The following NECAP2 variants were observed in gnomAD, a reference collection of about 807,000 sequenced individuals.
NECAP2 encodes NECAP endocytosis associated 2, also known as adaptin ear-binding coat-associated protein 2.
In NECAP2, 38 loss-of-function variants were observed where a neutral mutation model predicts 37.8. That is an observed-to-expected ratio of 1.01 (90% CI 0.78 to 1.32). NECAP2 has a LOEUF of 1.32. Among genes scored for constraint, NECAP2 ranks in the 40% most tolerant of loss-of-function variants. The pLI, the probability that NECAP2 is intolerant of heterozygous loss-of-function variation, is 0.00. For missense variants in NECAP2, 316 were observed against 334.5 expected, an observed-to-expected ratio of 0.94 and a Z score of 0.43; for synonymous variants, 121 against 127.7, an observed-to-expected ratio of 0.95 and a Z score of 0.35.
Position 16,440,733 on chromosome 1 carries a change from CG to C in NECAP2, c.-27del. On this transcript the variant is annotated 5_prime_UTR_variant, in exon 1 of 8. Transcript: ENST00000337132. ...CGGACAGAGGAACGGTGGAAGTCGC[CG>C]GAAGTTCGGTGGGCTCCAGGCGTCG... 6.2e-7 allele frequency: 1 copy of C among 1,604,196 alleles called. No homozygotes were observed. Among genetic ancestry groups the C allele is most frequent in the Non-Finnish European group, 8.5e-7 (1 of 1,171,234 alleles).
chr1:16,449,494 T>C lies in NECAP2; in HGVS notation c.489+293T>C, dbSNP rs868854949. The C allele has an allele frequency of 7.4e-5, 24 of 326,446 alleles. 1 individual carries two copies. In the Middle Eastern group the frequency reaches 4.4e-3, roughly 60 times the overall value. The allele number at this position is 326,446 out of a possible 1,614,324, so 20.2% of individuals were successfully genotyped here. ...TAGAGGAAGGGTGTGCAGCCCATAG[T>C]TGTGGGAACCAAGGAAGGCTTCCTG... On this transcript the variant is annotated intron_variant, in intron 5 of 7. Coordinates refer to ENST00000337132, the MANE Select transcript of NECAP2 (RefSeq NM_018090.5).
intron 7 of NECAP2, among the ~76,000 whole-genome samples, chr1:16,458,247 G>A (rs2086957935): frequency 6.6e-6 from 1 of 152,096 alleles, no homozygotes; most frequent in Non-Finnish European, 1.5e-5. Flanking sequence ...CAAAGAGCAT[G>A]TTTATGTAAA....
At chr1:16,456,893 G>C (rs1304653323) in intron 7 of NECAP2, among the ~76,000 whole-genome samples, 1 of 152,060 alleles carries the variant, frequency 6.6e-6, no homozygotes, top group Non-Finnish European at 1.5e-5. Context: ...ATAGATACGG[G>C]GTTTTGCCAT....
At chr1:16,458,604 CAAAA>C (rs1167371818) in intron 7 of NECAP2, among the ~76,000 whole-genome samples, 1 of 146,668 alleles carries the variant, frequency 6.8e-6, no homozygotes, top group African/African-American at 2.5e-5. Flanking sequence ...AAAAACAAAA[CAAAA>C]AACAAAACCA....
intron 6 of NECAP2, chr1:16,455,562 A>C: frequency 2.1e-6 from 1 of 474,752 alleles, no homozygotes; most frequent in East Asian, 3.2e-5. Context: ...TCCCGCGGGC[A>C]CCCCTCGTTC....
chr1:16,452,403 C>T (rs986895920), intron 6 of NECAP2, among the ~76,000 whole-genome samples: 1 of 102,192 alleles, frequency 9.8e-6, no homozygotes, highest in Non-Finnish European at 2.4e-5. Flanking sequence ...CCTAGACCCA[C>T]CATCAGCTGC....
At chr1:16,451,496 C>G (rs1452199251) in intron 5 of NECAP2, 2 of 253,452 alleles carry the variant, frequency 7.9e-6, no homozygotes, top group East Asian at 1.9e-4. Flanking sequence ...ACACTTAAGC[C>G]AGCAGCGCGT....
chr1:16,448,034 T>G (rs1557687581), intron 3 of NECAP2, 26 bp from the exon 4 acceptor site: 1 of 1,614,088 alleles, frequency 6.2e-7, no homozygotes, highest in African/African-American at 1.3e-5. Flanking sequence ...CTTTGGAAGG[T>G]GGGTTGATCA....
chr1:16,441,635 T>C (rs1488383589), intron 1 of NECAP2: 1 of 152,180 alleles, frequency 6.6e-6, no homozygotes, highest in Non-Finnish European at 1.5e-5. Flanking sequence ...CCTATGGCTA[T>C]TTTGTGCCAC....
chr1:16,448,306 T>A, intron 4 of NECAP2, 165 bp downstream of exon 4: 1 of 701,332 alleles, frequency 1.4e-6, no homozygotes, highest in African/African-American at 1.8e-5. Flanking sequence ...TGTTCATCTC[T>A]GCTGTAAAGC....
intron 6 of NECAP2, among the ~76,000 whole-genome samples, chr1:16,452,444 G>T (rs1262180450): frequency 6.6e-6 from 1 of 152,144 alleles, no homozygotes; most frequent in Non-Finnish European, 1.5e-5. Context: ...TGAAAGAGGT[G>T]ACATTGATCT....
intron 6 of NECAP2, chr1:16,455,532 G>C (rs2086904171): frequency 2.4e-6 from 1 of 408,804 alleles, no homozygotes; most frequent in Non-Finnish European, 4.5e-6. Context: ...CATGTTAGAT[G>C]ACGTGAGACT....
chr1:16,445,057 C>T (rs1306895231), intron 2 of NECAP2, among the ~76,000 whole-genome samples: 1 of 152,166 alleles, frequency 6.6e-6, no homozygotes, highest in Non-Finnish European at 1.5e-5. Flanking sequence ...AACTCCTGAC[C>T]TCGTGATCCG....
chr1:16,448,301 A>T (rs1442794607), intron 4 of NECAP2, 160 bp downstream of exon 4: 3 of 717,618 alleles, frequency 4.2e-6, no homozygotes, highest in South Asian at 1.6e-5. Flanking sequence ...GCCAATGTTC[A>T]TCTCTGCTGT....
In NECAP2 at chr1:16,440,775, G is replaced by T; in HGVS notation, c.14G>T (p.Gly5Val). 6.2e-7 allele frequency: 1 copy of T among 1,614,110 alleles called. No homozygotes were observed. Among genetic ancestry groups the T allele is most frequent in the Non-Finnish European group, 8.5e-7 (1 of 1,179,960 alleles). The change falls in exon 1 of 8, where the codon GGG becomes GTG. Residue 5 changes from glycine (G) to valine (V), a missense_variant. Coordinates refer to ENST00000337132, the MANE Select transcript of NECAP2 (RefSeq NM_018090.5). Reference sequence around the variant, plus strand: ...CCAGGCGTCGCGATGGAGGAGAGCGGGTACGAGTCGGTGCTCTGTGTCAAG... The same window carrying T: ...CCAGGCGTCGCGATGGAGGAGAGCGTGTACGAGTCGGTGCTCTGTGTCAAG... The part of the protein sequence containing the change: MEES[G>V]YESVLCVKPD...
intron 7 of NECAP2, 101 bp from the exon 8 acceptor site, chr1:16,458,741 G>A: frequency 1.6e-6 from 2 of 1,221,112 alleles, no homozygotes; most frequent in Non-Finnish European, 2.3e-6. Flanking sequence ...TTAGGAACTG[G>A]CTTCTTAGAG....
In NECAP2 at chr1:16,442,243, G is replaced by A. The variant is rs1002146311; in HGVS notation, c.93-1389G>A. ...TCCACTCGCCTCGGCCTCCCAAAGT[G>A]CTGGGATTACAGGCAGGATCCACCG... On this transcript the variant is annotated intron_variant, in intron 1 of 7. Transcript: ENST00000337132. Among the ~76,000 whole-genome samples, 3 of 152,202 alleles carry A rather than the reference G, an allele frequency of 2.0e-5. No homozygotes were observed. In the South Asian group the frequency reaches 6.2e-4, roughly 32 times the overall value.
rs1570280019 is a variant in NECAP2 at position 16,459,077 on chromosome 1, C to A, written c.*187C>A. The A allele has an allele frequency of 7.3e-7, 1 of 1,374,104 alleles. No homozygotes were observed. The highest frequency in any genetic ancestry group is 9.8e-7 in the Non-Finnish European group (1 of 1,018,142). 85.1% of individuals were successfully genotyped at this position (1,374,104 alleles called of 1,614,324 possible). ...AAATTGGCACCGTGTCACACTGTTT[C>A]CTGGGATTCAAGTATGCAACCAGAA... On this transcript the variant is annotated 3_prime_UTR_variant, in exon 8 of 8. Transcript: ENST00000337132.
chr1:16,443,280 A>G (rs1432996095), intron 1 of NECAP2, among the ~76,000 whole-genome samples: 1 of 152,230 alleles, frequency 6.6e-6, no homozygotes, highest in African/African-American at 2.4e-5. Context: ...TACATTTTTT[A>G]AATGGTTTGG....
Sources: gnomAD v4.1 joint callset for allele counts (sites outside exome capture counted in the v4.1 genomes callset) on GRCh38, gnomAD v4.1.1 for gene constraint, MANE v1.5 for transcripts, NCBI Gene and HGNC (gene_info 2026-07-23, HGNC 2026-07-21) for gene names.